The following GCSAML variants were observed in gnomAD, a reference collection of about 807,000 sequenced individuals.
GCSAML encodes germinal center associated signaling and motility like.
A neutral mutation model predicts 13.0 loss-of-function variants in GCSAML; 9 were observed. The observed-to-expected ratio is 0.69, with a 90% CI of 0.42 to 1.21. GCSAML has a LOEUF of 1.21. Ranked by LOEUF, GCSAML falls within the 50% of genes most tolerant of loss-of-function variation. GCSAML has a pLI of 0.00. For missense variants in GCSAML, 143 were observed against 153.4 expected, an observed-to-expected ratio of 0.93 and a Z score of 0.36; for synonymous variants, 37 against 52.9, an observed-to-expected ratio of 0.70 and a Z score of 1.31.
chr1:247,574,139 G>T lies in GCSAML; in HGVS notation c.169-4G>T. On this transcript the variant is annotated splice_region_variant and splice_polypyrimidine_tract_variant and intron_variant, in intron 4 of 4. Coordinates refer to ENST00000366488, the MANE Select transcript of GCSAML (RefSeq NM_145278.5). ...TTGATTTCTTTTCTCTTTGTGCTTG[G>T]CAGGAAAACGAGAATGGCAGTGGTT... 1.2e-6 allele frequency: 2 copies of T among 1,613,782 alleles called. No homozygotes were observed. Among genetic ancestry groups the T allele is most frequent in the Non-Finnish European group, 8.5e-7 (1 of 1,179,852 alleles).
At chr1:247,544,746 T>C (rs375829506), upstream of GCSAML, among the ~76,000 whole-genome samples, 2 of 152,148 alleles carry the variant, frequency 1.3e-5, no homozygotes, top group East Asian at 3.9e-4. Context: ...TCCCAGCTAC[T>C]CGGGAGCCCA....
intron 1 of GCSAML, among the ~76,000 whole-genome samples, chr1:247,514,021 G>C (rs564059340): frequency 1.3e-5 from 2 of 151,646 alleles, no homozygotes; most frequent in Non-Finnish European, 2.9e-5. Context: ...TTGCTCTGTC[G>C]CCAGGTTGGA....
At chr1:247,540,927 G>A (rs1280401796) in intron 2 of GCSAML, among the ~76,000 whole-genome samples, 2 of 152,164 alleles carry the variant, frequency 1.3e-5, no homozygotes, top group East Asian at 3.8e-4. Context: ...GTAATGTCTT[G>A]CATATCCTCA....
At chr1:247,512,067 G>A (rs1036583484) in intron 1 of GCSAML, among the ~76,000 whole-genome samples, 1 of 152,044 alleles carries the variant, frequency 6.6e-6, no homozygotes, top group African/African-American at 2.4e-5. Context: ...TGCTAGGTTG[G>A]GGAAATTCTC....
chr1:247,567,111 C>CT (rs139207166), intron 4 of GCSAML, among the ~76,000 whole-genome samples: 28 of 145,068 alleles, frequency 1.9e-4, no homozygotes, highest in African/African-American at 3.0e-4. Flanking sequence ...GGAGCAAGGG[C>CT]TTTTTTTTTT....
chr1:247,520,659 CTTT>C (rs943692254), intron 1 of GCSAML, among the ~76,000 whole-genome samples: 2 of 151,794 alleles, frequency 1.3e-5, no homozygotes, highest in Non-Finnish European at 1.5e-5. Context: ...ACGTTTTTGC[CTTT>C]TTTTTACAGC....
At chr1:247,540,700 G>A (rs6698437) in intron 2 of GCSAML, among the ~76,000 whole-genome samples, 38,767 of 152,104 alleles carry the variant, frequency 0.25, 5,506 homozygotes, top group Middle Eastern at 0.38. Flanking sequence ...AGAGCAAGTG[G>A]GGGAGGGAGG....
intron 2 of GCSAML, among the ~76,000 whole-genome samples, chr1:247,535,050 G>A (rs2103011964): frequency 6.6e-6 from 1 of 152,272 alleles, no homozygotes; most frequent in East Asian, 1.9e-4. Context: ...GGTGGCTCAT[G>A]CCTGTATTCC....
intron 1 of GCSAML, among the ~76,000 whole-genome samples, chr1:247,554,863 A>G (rs922941840): frequency 2.0e-5 from 3 of 152,194 alleles, no homozygotes; most frequent in African/African-American, 7.2e-5. Context: ...GTTTAAAAAT[A>G]AGAAGAAAAA....
At chr1:247,507,942 C>A (rs1665885045) in intron 1 of GCSAML, among the ~76,000 whole-genome samples, 1 of 152,166 alleles carries the variant, frequency 6.6e-6, no homozygotes, top group Non-Finnish European at 1.5e-5. Context: ...GGTTCCAAGT[C>A]TTTGCTATTG....
At chr1:247,534,520 A>T (rs1667138216) in intron 2 of GCSAML, among the ~76,000 whole-genome samples, 1 of 152,222 alleles carries the variant, frequency 6.6e-6, no homozygotes, top group Non-Finnish European at 1.5e-5. Context: ...AACGAGCACG[A>T]TTTAGCAGGG....
chr1:247,555,274 A>T (rs1354231485), intron 1 of GCSAML, among the ~76,000 whole-genome samples: 1 of 152,216 alleles, frequency 6.6e-6, no homozygotes, highest in Non-Finnish European at 1.5e-5. Flanking sequence ...CCAGTTTAGG[A>T]AGATGGAATC....
intron 1 of GCSAML, among the ~76,000 whole-genome samples, chr1:247,511,081 G>C (rs1666019868): frequency 1.3e-5 from 2 of 152,076 alleles, no homozygotes; most frequent in South Asian, 4.2e-4. Flanking sequence ...ATCTAATATT[G>C]ACAGTGAGGT....
At chr1:247,529,737 T>G (rs1030653731) in intron 2 of GCSAML, 3 of 150,820 alleles carry the variant, frequency 2.0e-5, no homozygotes, top group East Asian at 3.9e-4. Context: ...TTTTTTTTTT[T>G]TTTTTTTTGA....
intron 4 of GCSAML, among the ~76,000 whole-genome samples, chr1:247,572,403 G>T (rs997151092): frequency 6.6e-5 from 10 of 152,082 alleles, no homozygotes; most frequent in African/African-American, 2.4e-4. Context: ...TGTCCTTTTT[G>T]TTGATGTTGA....
At chr1:247,532,557 G>A in intron 2 of GCSAML, 1 of 1,564,984 alleles carries the variant, frequency 6.4e-7, no homozygotes, top group South Asian at 1.2e-5. Context: ...GAAGAGCACA[G>A]GGCATACAGG....
At chr1:247,531,855 G>A (rs762023698) in intron 2 of GCSAML, 8 of 1,614,056 alleles carry the variant, frequency 5.0e-6, no homozygotes, top group Admixed American at 1.7e-5. Context: ...CAATGTGGCC[G>A]TAAGAGACCA....
intron 1 of GCSAML, among the ~76,000 whole-genome samples, chr1:247,513,927 G>T (rs1285314812): frequency 6.6e-6 from 1 of 152,088 alleles, no homozygotes; most frequent in Non-Finnish European, 1.5e-5. Context: ...TGATGTCAGT[G>T]GGAGCTGCAG....
chr1:247,546,132 G>A (rs1049591081), upstream of GCSAML, among the ~76,000 whole-genome samples: 2 of 132,948 alleles, frequency 1.5e-5, no homozygotes, highest in African/African-American at 3.4e-5. Flanking sequence ...AGCTAGGAAA[G>A]AAAGAAATAA....
Sources: gnomAD v4.1 joint callset for allele counts (sites outside exome capture counted in the v4.1 genomes callset) on GRCh38, gnomAD v4.1.1 for gene constraint, MANE v1.5 for transcripts, NCBI Gene and HGNC (gene_info 2026-07-23, HGNC 2026-07-21) for gene names.